Variants in STIM1 observed in about 807,000 individuals in gnomAD.
The protein encoded by STIM1 is stromal interaction molecule 1.
STIM1 carries 25 observed loss-of-function variants against 74.7 expected under a neutral mutation model. The observed-to-expected ratio is 0.33, with a 90% CI of 0.24 to 0.47. The LOEUF is 0.47. Among genes scored for constraint, STIM1 ranks in the 20% least tolerant of loss-of-function variants. STIM1 has a pLI of 1.00. For synonymous variants in STIM1, 328 were observed against 348.8 expected (o/e 0.94, Z 0.66); for missense variants, 728 against 920.8 (o/e 0.79, Z 2.71).
intron 1 of STIM1, among the ~76,000 whole-genome samples, chr11:3,899,565 T>C (rs879695536): frequency 0.031 from 4,587 of 149,788 alleles, 97 homozygotes; most frequent in South Asian, 0.093. Flanking sequence ...TGAATAGGAG[T>C]GGTGAGAGAG....
intron 3 of STIM1, among the ~76,000 whole-genome samples, chr11:4,048,912 T>C (rs535899969): frequency 6.6e-6 from 1 of 152,160 alleles, no homozygotes; most frequent in South Asian, 2.1e-4. Context: ...TTTTGTTCTT[T>C]TAGTAGAGAT....
At chr11:4,070,369 A>G (rs767908077) in intron 6 of STIM1, among the ~76,000 whole-genome samples, 166 bp downstream of exon 6, 3 of 152,182 alleles carry the variant, frequency 2.0e-5, no homozygotes, top group African/African-American at 4.8e-5. Flanking sequence ...TGATATTCCA[A>G]TTGCTATTGG....
At chr11:3,971,768 G>A (rs2093398264) in intron 2 of STIM1, among the ~76,000 whole-genome samples, 1 of 152,142 alleles carries the variant, frequency 6.6e-6, no homozygotes, top group Non-Finnish European at 1.5e-5. Flanking sequence ...AAGCCACAAT[G>A]TACCAAAAGT....
At chr11:4,020,614 G>A (rs1260133589) in intron 2 of STIM1, among the ~76,000 whole-genome samples, 1 of 151,274 alleles carries the variant, frequency 6.6e-6, no homozygotes, top group East Asian at 1.9e-4. Context: ...TCTGAGACAA[G>A]GTCTCGCTCT....
At chr11:3,895,674 CCTTCCTTCCT>C (rs2092076464) in intron 1 of STIM1, among the ~76,000 whole-genome samples, 2 of 46,380 alleles carry the variant, frequency 4.3e-5, no homozygotes, top group African/African-American at 2.6e-4. Flanking sequence ...TTCTTTCTTT[CCTTCCTTCCT>C]TCTTTCTTTC....
intron 1 of STIM1, among the ~76,000 whole-genome samples, chr11:3,921,291 T>C (rs2092714154): frequency 6.6e-6 from 1 of 152,230 alleles, no homozygotes; most frequent in African/African-American, 2.4e-5. Flanking sequence ...TATTTGGCCA[T>C]TGATTTGGCA....
At chr11:3,862,221 G>T (rs1406655673) in intron 1 of STIM1, among the ~76,000 whole-genome samples, 3 of 152,106 alleles carry the variant, frequency 2.0e-5, no homozygotes, top group Non-Finnish European at 4.4e-5. Flanking sequence ...ATCATCCCAA[G>T]ACCTTGTCTT....
intron 6 of STIM1, among the ~76,000 whole-genome samples, chr11:4,070,445 A>G (rs750919739): frequency 9.2e-5 from 14 of 152,162 alleles, no homozygotes; most frequent in Non-Finnish European, 1.9e-4. Flanking sequence ...AGAGGGAGAA[A>G]TGTGTAGCTG....
chr11:4,038,882 C>T (rs1185182799), intron 3 of STIM1, among the ~76,000 whole-genome samples: 1 of 152,094 alleles, frequency 6.6e-6, no homozygotes, highest in East Asian at 1.9e-4. Context: ...CAAGTTAGGG[C>T]ATCAAATTTC....
intron 1 of STIM1, among the ~76,000 whole-genome samples, chr11:3,940,346 A>G (rs2092989726): frequency 6.6e-6 from 1 of 152,234 alleles, no homozygotes; most frequent in African/African-American, 2.4e-5. Context: ...CAGTTTAAAT[A>G]AAATGCAAAA....
intron 1 of STIM1, among the ~76,000 whole-genome samples, chr11:3,957,508 C>T (rs1297697960): frequency 2.0e-5 from 3 of 152,078 alleles, no homozygotes; most frequent in Admixed American, 6.6e-5. Flanking sequence ...CCACCTGCCT[C>T]AGCCTCCCAA....
In STIM1 at chr11:3,914,537, G is replaced by A. The variant is rs367952260; in HGVS notation, c.140-53015G>A. Reference sequence around the variant, plus strand: ...GCTCACTGCAATCTCTGCCTCTTGGGTTCAAACAATTCTCCTGTCTCAGCC... The same window carrying A: ...GCTCACTGCAATCTCTGCCTCTTGGATTCAAACAATTCTCCTGTCTCAGCC... On this transcript the variant is annotated intron_variant, in intron 1 of 12. Coordinates refer to ENST00000526596, the MANE Select transcript of STIM1 (RefSeq NM_001382567.1). 1.6e-4 allele frequency among the ~76,000 whole-genome samples: 25 copies of A among 152,246 alleles called. No individual in the cohort carries two copies. In the South Asian group the frequency reaches 3.5e-3, roughly 21 times the overall value.
chr11:3,915,716 GTTTTAATTTATC>G (rs1415126438), intron 1 of STIM1, among the ~76,000 whole-genome samples: 1 of 151,170 alleles, frequency 6.6e-6, no homozygotes, highest in African/African-American at 2.5e-5. Context: ...ATTTTTATAG[GTTTTAATTTATC>G]TTTTGTTGTT....
rs141309412 is a variant in STIM1 at position 4,036,628 on chromosome 11, T to C, written c.385+12641T>C. Among the ~76,000 whole-genome samples, 256 of 152,382 alleles carry C rather than the reference T, an allele frequency of 1.7e-3. 2 individuals carry two copies. In the East Asian group the frequency reaches 0.02, roughly 12 times the overall value. ...TCAGTGACGTTGAGCTTTTTTCATA[T>C]GTTTGTTGGTCGCATGAATATCTTC... On this transcript the variant is annotated intron_variant, in intron 3 of 12. Transcript: ENST00000526596.
chr11:3,925,984 C>A (rs1166436705), intron 1 of STIM1, among the ~76,000 whole-genome samples: 1 of 151,974 alleles, frequency 6.6e-6, no homozygotes, highest in African/African-American at 2.4e-5. Context: ...TTGTTTGAAC[C>A]AATTAGATTG....
intron 1 of STIM1, among the ~76,000 whole-genome samples, chr11:3,894,460 G>T (rs972774475): frequency 3.9e-5 from 6 of 152,158 alleles, no homozygotes; most frequent in African/African-American, 1.2e-4. Flanking sequence ...CCTGGGGCCT[G>T]TGCAGCCTGA....
At chr11:3,947,535 G>GT (rs1041691543) in intron 1 of STIM1, 2 of 152,120 alleles carry the variant, frequency 1.3e-5, no homozygotes, top group African/African-American at 2.4e-5. Context: ...TGTTTCACCT[G>GT]TTTTTTCCAC....
chr11:3,930,035 C>G (rs2092838462), intron 1 of STIM1, among the ~76,000 whole-genome samples: 1 of 152,150 alleles, frequency 6.6e-6, no homozygotes, highest in African/African-American at 2.4e-5. Context: ...GGAGGTAATG[C>G]AGGCCCAGGT....
rs563984297 is a variant in STIM1, at chr11:3,964,002, C to G, written c.140-3550C>G. On this transcript the variant is annotated intron_variant, in intron 1 of 12. Coordinates refer to ENST00000526596, the MANE Select transcript of STIM1 (RefSeq NM_001382567.1). ...CAAATGTATTAAATGTCAGCCTACACCAGGCCCTATGCTGGATGTTTTAAC... is the reference window on the plus strand; with the variant it reads ...CAAATGTATTAAATGTCAGCCTACAGCAGGCCCTATGCTGGATGTTTTAAC... Among the ~76,000 whole-genome samples, 4 of 152,348 alleles carry G rather than the reference C, an allele frequency of 2.6e-5. No homozygotes were observed. The South Asian group carries it at 8.3e-4, about 32-fold the overall frequency.
Sources: allele counts gnomAD v4.1 joint callset (sites outside exome capture counted in the v4.1 genomes callset), GRCh38; gene constraint gnomAD v4.1.1; transcripts MANE v1.5; gene names NCBI Gene and HGNC (gene_info 2026-07-23, HGNC 2026-07-21).